MACROD2: variants seen among roughly 807,000 people sequenced by gnomAD.
MACROD2 encodes the protein ADP-ribose glycohydrolase MACROD2.
Under a neutral mutation model 70.4 loss-of-function variants are expected in MACROD2, and 36 were observed. The ratio of observed to expected loss-of-function variants is 0.51; its 90% CI spans 0.39 to 0.68. The LOEUF (loss-of-function observed/expected upper bound fraction) is 0.68. Among genes scored for constraint, MACROD2 ranks in the 30% least tolerant of loss-of-function variants. The probability of loss-of-function intolerance (pLI) is 0.00; values close to 1 mark genes in which losing one functional copy is unlikely to be tolerated. For missense variants in MACROD2, 496 were observed against 538.4 expected (o/e 0.92, Z 0.78); for synonymous variants, 172 against 178.8 (o/e 0.96, Z 0.30).
intron 5 of MACROD2, among the ~76,000 whole-genome samples, chr20:15,090,403 T>G (rs1346405011): frequency 1.2e-4 from 18 of 152,136 alleles, no homozygotes. Context: ...TTCAGCCCAA[T>G]GCACTGAAAT....
chr20:15,218,260 G>C (rs1568645127), intron 5 of MACROD2, among the ~76,000 whole-genome samples: 1 of 152,088 alleles, frequency 6.6e-6, no homozygotes, highest in Non-Finnish European at 1.5e-5. Flanking sequence ...CAGTCACTTA[G>C]AGTCAAGCTC....
At chr20:14,977,276 C>G (rs1357186993) in intron 5 of MACROD2, among the ~76,000 whole-genome samples, 1 of 150,626 alleles carries the variant, frequency 6.6e-6, no homozygotes, top group Non-Finnish European at 1.5e-5. Context: ...CACATCAGAT[C>G]AAGCTCTTTT....
intron 5 of MACROD2, among the ~76,000 whole-genome samples, chr20:14,840,032 T>G (rs1456744023): frequency 2.1e-5 from 2 of 94,692 alleles, no homozygotes; most frequent in Non-Finnish European, 5.4e-5. Context: ...AGTCTCCATG[T>G]CTTTTTTTTT....
chr20:14,021,959 T>A (rs2053088544), intron 2 of MACROD2, among the ~76,000 whole-genome samples: 1 of 152,202 alleles, frequency 6.6e-6, no homozygotes, highest in African/African-American at 2.4e-5. Flanking sequence ...TGTTATGAGC[T>A]AGACTTGGAA....
intron 5 of MACROD2, among the ~76,000 whole-genome samples, chr20:14,798,221 A>G (rs2122130242): frequency 6.6e-6 from 1 of 152,212 alleles, no homozygotes; most frequent in South Asian, 2.1e-4. Context: ...TTTACTTTAA[A>G]TGGATTTAGT....
chr20:14,724,925 C>A (rs1348216963), intron 5 of MACROD2, among the ~76,000 whole-genome samples: 1 of 151,984 alleles, frequency 6.6e-6, no homozygotes, highest in Non-Finnish European at 1.5e-5. Context: ...ATGGAATGTA[C>A]AAAGAAGGCA....
At chr20:14,991,531 GACA>G (rs1471966531) in intron 5 of MACROD2, among the ~76,000 whole-genome samples, 1 of 152,132 alleles carries the variant, frequency 6.6e-6, no homozygotes, top group Non-Finnish European at 1.5e-5. Context: ...GGCTGTAAAA[GACA>G]ATGCTCCCAA....
intron 3 of MACROD2, among the ~76,000 whole-genome samples, chr20:14,090,432 G>C (rs753324600): frequency 1.5e-4 from 23 of 152,054 alleles, no homozygotes; most frequent in Admixed American, 2.6e-4. Flanking sequence ...AATTAGCTGG[G>C]CACGGTGGCA....
At chr20:15,745,702 AG>A (rs1166051151) in intron 8 of MACROD2, among the ~76,000 whole-genome samples, 2 of 152,178 alleles carry the variant, frequency 1.3e-5, no homozygotes, top group East Asian at 3.8e-4. Context: ...TAATTATTTT[AG>A]GTATTTAATC....
In MACROD2 at chr20:15,918,783, A is replaced by G. The variant is rs117190077; in HGVS notation, c.776-14493A>G. 4.9e-3 allele frequency among the ~76,000 whole-genome samples: 739 copies of G among 152,290 alleles called. 1 individual carries two copies. The highest frequency in any genetic ancestry group is 0.014 in the Middle Eastern group (4 of 294). On this transcript the variant is annotated intron_variant, in intron 10 of 17. Coordinates refer to ENST00000684519, the MANE Select transcript of MACROD2 (RefSeq NM_001351661.2). The stretch of plus-strand genomic sequence containing the variant: ...TAGTGTGCTCTATCATCCCTCCACC[A>G]TCGGACTGTTTCTGTCTACTGCTGC...
At chr20:15,773,955 A>G (rs1216797105) in intron 8 of MACROD2, among the ~76,000 whole-genome samples, 1 of 152,182 alleles carries the variant, frequency 6.6e-6, no homozygotes, top group Non-Finnish European at 1.5e-5. Flanking sequence ...CAATGAATCA[A>G]ATGTCTTCCA....
At chr20:14,910,145 A>G in intron 5 of MACROD2, among the ~76,000 whole-genome samples, 1 of 152,192 alleles carries the variant, frequency 6.6e-6, no homozygotes, top group Non-Finnish European at 1.5e-5. Context: ...AGTCTACTTC[A>G]TTTTATAGGC....
chr20:15,063,255 T>G (rs1370900215), intron 5 of MACROD2, among the ~76,000 whole-genome samples: 1 of 150,522 alleles, frequency 6.6e-6, no homozygotes, highest in Admixed American at 6.6e-5. Flanking sequence ...TGTCATCATA[T>G]ATGATGCTGT....
chr20:14,332,371 C>T (rs760354036), intron 3 of MACROD2, among the ~76,000 whole-genome samples: 14 of 151,960 alleles, frequency 9.2e-5, no homozygotes, highest in Non-Finnish European at 1.3e-4. Flanking sequence ...CAAGAGCTTG[C>T]GGCAATCTAC....
At chr20:14,899,304 A>G (rs2122543740) in intron 5 of MACROD2, among the ~76,000 whole-genome samples, 1 of 152,314 alleles carries the variant, frequency 6.6e-6, no homozygotes, top group Non-Finnish European at 1.5e-5. Flanking sequence ...CCGGGTTGCC[A>G]TAACAAAGCA....
intron 5 of MACROD2, among the ~76,000 whole-genome samples, chr20:15,005,692 C>G (rs1178021481): frequency 6.6e-6 from 1 of 152,068 alleles, no homozygotes; most frequent in Non-Finnish European, 1.5e-5. Flanking sequence ...TATTGTAGTT[C>G]TCAAATTGCG....
rs528303526 is a variant in MACROD2 at position 15,146,481 on chromosome 20, C to A, written c.419-83459C>A. Among the ~76,000 whole-genome samples the A allele has an allele frequency of 2.6e-5, 4 of 152,198 alleles. No homozygotes were observed. In the East Asian group the frequency reaches 7.7e-4, roughly 29 times the overall value. ...AACATACTATTTGTCCAATGTAAAG[C>A]TAATTTTATCATATTTTGCTTCTAG... is the stretch of plus-strand genomic sequence containing the variant. On this transcript the variant is annotated intron_variant, in intron 5 of 17. Coordinates refer to ENST00000684519, the MANE Select transcript of MACROD2 (RefSeq NM_001351661.2).
chr20:15,383,037 A>G (rs559342499), intron 6 of MACROD2, among the ~76,000 whole-genome samples: 24 of 152,352 alleles, frequency 1.6e-4, no homozygotes, highest in African/African-American at 5.5e-4. Flanking sequence ...AGCTAAAACT[A>G]TATGAAATCC....
chr20:14,250,556 C>T (rs2082004268), intron 3 of MACROD2, among the ~76,000 whole-genome samples: 1 of 152,072 alleles, frequency 6.6e-6, no homozygotes. Context: ...GCCATTGTGT[C>T]CTTTAGAAAA....
Sources: gnomAD v4.1 joint callset for allele counts (sites outside exome capture counted in the v4.1 genomes callset) on GRCh38, gnomAD v4.1.1 for gene constraint, MANE v1.5 for transcripts, NCBI Gene and HGNC (gene_info 2026-07-23, HGNC 2026-07-21) for gene names.